The following THSD4 variants were observed in gnomAD, a reference collection of about 807,000 sequenced individuals.
THSD4 encodes the protein thrombospondin type-1 domain-containing protein 4.
THSD4 carries 69 observed loss-of-function variants against 119.0 expected under a neutral mutation model. The ratio of observed to expected loss-of-function variants is 0.58; its 90% CI spans 0.48 to 0.71. The LOEUF is 0.71. THSD4 is among the 30% of genes least tolerant of loss of function. The pLI is 0.00. For missense variants in THSD4, 1,393 were observed against 1,391.1 expected, an observed-to-expected ratio of 1.00 and a Z score of -0.02; for synonymous variants, 524 against 540.4, an observed-to-expected ratio of 0.97 and a Z score of 0.42.
Position 71,190,353 on chromosome 15 carries a change from A to G in THSD4, c.100-24682A>G, listed in dbSNP as rs564248068. Among the ~76,000 whole-genome samples, 6 of 152,342 alleles carry G rather than the reference A, an allele frequency of 3.9e-5. No homozygotes were observed. In the South Asian group the frequency reaches 6.2e-4, roughly 16 times the overall value. The stretch of plus-strand genomic sequence containing the variant: ...GAGTGGTTCTTGACATTGGCTGCAC[A>G]TTAGAATCACCTAGGAAATTCAAAA... On this transcript the variant is annotated intron_variant, in intron 3 of 17. Coordinates refer to ENST00000261862, the MANE Select transcript of THSD4 (RefSeq NM_024817.3).
intron 7 of THSD4, among the ~76,000 whole-genome samples, chr15:71,527,846 A>G (rs1041662327): frequency 7.3e-5 from 11 of 150,278 alleles, no homozygotes; most frequent in African/African-American, 2.7e-4. Flanking sequence ...CTGAGTAGGT[A>G]GGACTAAAGG....
chr15:71,611,271 A>G (rs1425972991), intron 7 of THSD4, among the ~76,000 whole-genome samples: 2 of 152,142 alleles, frequency 1.3e-5, no homozygotes, highest in Non-Finnish European at 2.9e-5. Context: ...TAGTGTTGCT[A>G]TGCTGGTCTT....
intron 7 of THSD4, among the ~76,000 whole-genome samples, chr15:71,489,093 A>G (rs2047870672): frequency 6.6e-6 from 1 of 152,212 alleles, no homozygotes; most frequent in Non-Finnish European, 1.5e-5. Context: ...TTTCCCCAGA[A>G]AAGCTCATAG....
chr15:71,289,557 C>A (rs2044763923), intron 6 of THSD4, among the ~76,000 whole-genome samples: 1 of 152,076 alleles, frequency 6.6e-6, no homozygotes, highest in Non-Finnish European at 1.5e-5. Context: ...CTTTTGAGGT[C>A]CAGTTTTCAA....
chr15:71,442,634 GTGTGTGTA>G (rs2047118415), intron 7 of THSD4, among the ~76,000 whole-genome samples: 3 of 20,912 alleles, frequency 1.4e-4, no homozygotes, highest in South Asian at 6.3e-3. Context: ...ATATATGTAT[GTGTGTGTA>G]TATGTGTGTG....
At chr15:71,678,236 C>G (rs1487280498) in intron 8 of THSD4, among the ~76,000 whole-genome samples, 3 of 152,234 alleles carry the variant, frequency 2.0e-5, no homozygotes, top group Non-Finnish European at 2.9e-5. Flanking sequence ...GGAACTAATA[C>G]AAGCTAAGCC....
At chr15:71,350,662 A>G (rs1351893156) in intron 6 of THSD4, among the ~76,000 whole-genome samples, 2 of 152,222 alleles carry the variant, frequency 1.3e-5, no homozygotes, top group African/African-American at 4.8e-5. Flanking sequence ...TCAGCTAGAA[A>G]GAATGGCCAA....
At chr15:71,579,315 G>C (rs2049515445) in intron 7 of THSD4, among the ~76,000 whole-genome samples, 1 of 152,214 alleles carries the variant, frequency 6.6e-6, no homozygotes, top group African/African-American at 2.4e-5. Context: ...GAGGCCAGCT[G>C]TGTGTGAGCA....
chr15:71,634,974 T>C (rs2050711658), intron 7 of THSD4, among the ~76,000 whole-genome samples: 1 of 152,216 alleles, frequency 6.6e-6, no homozygotes, highest in Non-Finnish European at 1.5e-5. Flanking sequence ...TTGTTTGCCA[T>C]TGTTTGCACA....
At chr15:71,246,261 T>C (rs1376918464) in intron 5 of THSD4, among the ~76,000 whole-genome samples, 1 of 152,044 alleles carries the variant, frequency 6.6e-6, no homozygotes, top group South Asian at 2.1e-4. Context: ...GCTGACACAT[T>C]GTTGGGAAAT....
chr15:71,477,966 G>T (rs1339869917), intron 7 of THSD4, among the ~76,000 whole-genome samples: 1 of 8,494 alleles, frequency 1.2e-4, no homozygotes, highest in Non-Finnish European at 3.5e-4. Context: ...CCCCAAGGAT[G>T]GGGAGGTGGT....
At chr15:71,369,236 A>G (rs1596373566) in intron 6 of THSD4, among the ~76,000 whole-genome samples, 1 of 152,312 alleles carries the variant, frequency 6.6e-6, no homozygotes, top group African/African-American at 2.4e-5. Context: ...AACAGGAACA[A>G]TTTGACTTCC....
At chr15:71,225,551 CTTTTTTTTTTTTT>C (rs748966344) in intron 4 of THSD4, among the ~76,000 whole-genome samples, 1 of 41,236 alleles carries the variant, frequency 2.4e-5, no homozygotes, top group African/African-American at 1.0e-4. Flanking sequence ...TTTTTTTTTT[CTTTTTTTTTTTTT>C]TGAGACGGAG....
At chr15:71,149,785 C>G (rs1396442072) in intron 2 of THSD4, among the ~76,000 whole-genome samples, 2 of 151,974 alleles carry the variant, frequency 1.3e-5, no homozygotes, top group Non-Finnish European at 2.9e-5. Context: ...TTGAGGTACA[C>G]AGGGGCTGTG....
chr15:71,591,884 A>T (rs140784105), intron 7 of THSD4, among the ~76,000 whole-genome samples: 11 of 152,360 alleles, frequency 7.2e-5, no homozygotes, highest in Non-Finnish European at 1.5e-4. Flanking sequence ...ACAGAAATAA[A>T]GGAAGAAAAG....
chr15:71,646,467 A>T (rs1309956786), intron 7 of THSD4, among the ~76,000 whole-genome samples: 1 of 152,162 alleles, frequency 6.6e-6, no homozygotes, highest in Non-Finnish European at 1.5e-5. Flanking sequence ...TATTCAGGCC[A>T]TTCTCTAGCT....
In THSD4 at chr15:71,457,938, T is replaced by C. The variant is rs544103206; in HGVS notation, c.1152+46115T>C. 2.0e-5 allele frequency among the ~76,000 whole-genome samples: 3 copies of C among 152,326 alleles called. No individual in the cohort carries two copies. The East Asian group carries it at 5.8e-4, about 29-fold the overall frequency. On this transcript the variant is annotated intron_variant, in intron 7 of 17. Transcript: ENST00000261862. ...TCCAGCGCCATGACAATGCCTAGCA[T>C]ATATGTGGGGAATGAACAAATGAAG...
At chr15:71,583,432 T>C (rs1261181785) in intron 7 of THSD4, among the ~76,000 whole-genome samples, 2 of 150,712 alleles carry the variant, frequency 1.3e-5, no homozygotes, top group African/African-American at 4.9e-5. Flanking sequence ...TTTATTACTT[T>C]CTTCCTTCTG....
intron 7 of THSD4, among the ~76,000 whole-genome samples, chr15:71,476,011 CTG>C (rs1440057064): frequency 6.6e-6 from 1 of 152,156 alleles, no homozygotes; most frequent in African/African-American, 2.4e-5. Flanking sequence ...CATTCACTAA[CTG>C]TGTCTTTAGG....
Sources: allele counts gnomAD v4.1 joint callset (sites outside exome capture counted in the v4.1 genomes callset), GRCh38; gene constraint gnomAD v4.1.1; transcripts MANE v1.5; gene names NCBI Gene and HGNC (gene_info 2026-07-23, HGNC 2026-07-21).